The following KDM2A variants were observed in gnomAD, a reference collection of about 807,000 sequenced individuals.
KDM2A encodes lysine demethylase 2A.
A neutral mutation model predicts 137.3 loss-of-function variants in KDM2A; 3 were observed. The ratio of observed to expected loss-of-function variants is 0.02; its 90% confidence interval spans 0.01 to 0.06. The LOEUF (loss-of-function observed/expected upper bound fraction) is 0.06. Ranked by LOEUF, KDM2A falls within the 10% of genes least tolerant of loss-of-function variation. The probability of loss-of-function intolerance (pLI) is 1.00; values close to 1 mark genes in which losing one functional copy is unlikely to be tolerated. For synonymous variants in KDM2A, 512 were observed against 541.5 expected, an observed-to-expected ratio of 0.95 and a Z score of 0.76; for missense variants, 738 against 1,510.6, an observed-to-expected ratio of 0.49 and a Z score of 8.48.
chr11:67,228,247 A>C, intron 11 of KDM2A, 84 bp downstream of exon 11: 1 of 1,439,708 alleles, frequency 6.9e-7, no homozygotes, highest in East Asian at 2.3e-5. Context: ...CTGTCACTCA[A>C]TATGTTCTTG....
chr11:67,177,158 C>T (rs922605476), intron 2 of KDM2A, among the ~76,000 whole-genome samples: 3 of 151,776 alleles, frequency 2.0e-5, no homozygotes, highest in Admixed American at 6.6e-5. Context: ...CCCAGCTACT[C>T]GGGAGGCTGA....
At chr11:67,168,167 G>A (rs1271231534) in intron 2 of KDM2A, among the ~76,000 whole-genome samples, 1 of 152,090 alleles carries the variant, frequency 6.6e-6, no homozygotes, top group Admixed American at 6.5e-5. Flanking sequence ...AATCTAGTAA[G>A]TGAAGAGAAA....
intron 5 of KDM2A, among the ~76,000 whole-genome samples, chr11:67,183,991 C>T (rs1342472470): frequency 6.6e-6 from 1 of 151,338 alleles, no homozygotes. Flanking sequence ...CACCAATAGT[C>T]CCAGCTACGT....
chr11:67,221,429 C>G (rs1272652934), intron 10 of KDM2A, among the ~76,000 whole-genome samples: 1 of 152,104 alleles, frequency 6.6e-6, no homozygotes, highest in Non-Finnish European at 1.5e-5. Flanking sequence ...GAATTCACAA[C>G]TTTTATATGA....
chr11:67,143,589 A>C (rs1255584606), intron 2 of KDM2A, among the ~76,000 whole-genome samples: 1 of 151,938 alleles, frequency 6.6e-6, no homozygotes, highest in Non-Finnish European at 1.5e-5. Flanking sequence ...ATTATATTTT[A>C]GTTTCGCTTT....
intron 2 of KDM2A, among the ~76,000 whole-genome samples, chr11:67,141,682 A>AAAT (rs1555080599): frequency 9.2e-5 from 11 of 119,344 alleles, no homozygotes; most frequent in East Asian, 2.3e-4. Context: ...AAAAAAAAAA[A>AAAT]ATATATATAT....
At chr11:67,191,906 C>T (rs148167671) in intron 5 of KDM2A, among the ~76,000 whole-genome samples, 18 of 152,194 alleles carry the variant, frequency 1.2e-4, no homozygotes, top group African/African-American at 4.1e-4. Flanking sequence ...CCTCTGTTGG[C>T]AGATGATATG....
In KDM2A at chr11:67,254,881, T is replaced by G. The variant is rs1200532762; in HGVS notation, c.3315T>G (p.Asn1105Lys). The part of the protein sequence containing the change: ...SLTELNMAGC[N>K]KLTDQTLIYL... ...TGTCCACTTTCCCGACAGGTTGCAA[T>G]AAATTGACAGACCAGACCCTGATCT... is the stretch of plus-strand genomic sequence containing the variant. Residue 1105 changes from asparagine to lysine, a missense_variant, in exon 21 of 21, where the codon AAT becomes AAG. Asn to Lys is a moderately conservative substitution (Grantham distance 94, BLOSUM62 0). This residue lies in a region of KDM2A where 166 missense variants were observed against 324.0 expected (regional missense o/e 0.51). Transcript: ENST00000529006. The surrounding 1 kb of genome is among the most constrained non-coding windows in gnomAD (Gnocchi z 4.7). 1 of 1,613,878 alleles carries G rather than the reference T, an allele frequency of 6.2e-7. No homozygotes were observed. Among genetic ancestry groups the G allele is most frequent in the Admixed American group, 1.7e-5 (1 of 60,006 alleles).
intron 8 of KDM2A, 145 bp downstream of exon 8, chr11:67,216,094 C>T (rs1858150595): frequency 2.8e-6 from 2 of 714,474 alleles, no homozygotes; most frequent in South Asian, 1.6e-5. Flanking sequence ...AGATTAAGTT[C>T]ACCTTCTTGG....
rs1439528341 is a variant in KDM2A at position 67,211,443 on chromosome 11, G to A, written c.486+3755G>A. 4.6e-5 allele frequency among the ~76,000 whole-genome samples: 7 copies of A among 151,604 alleles called. No homozygotes were observed. The East Asian group carries it at 7.8e-4, about 17-fold the overall frequency. The stretch of plus-strand genomic sequence containing the variant: ...AGCCTGGCCAACATGGTGAAACCCC[G>A]CCTCTACTAAAAATACAAAAATTAG... On this transcript the variant is annotated intron_variant, in intron 6 of 20. Coordinates refer to ENST00000529006, the MANE Select transcript of KDM2A (RefSeq NM_012308.3).
rs759185120 is a variant in KDM2A at position 67,181,905 on chromosome 11, C to T, written c.307+13C>T. 3 of 1,612,732 alleles carry T rather than the reference C, an allele frequency of 1.9e-6. No homozygotes were observed. Among genetic ancestry groups the T allele is most frequent in the Non-Finnish European group, 2.5e-6 (3 of 1,178,858 alleles). On this transcript the variant is annotated intron_variant, in intron 5 of 20. Coordinates refer to ENST00000529006, the MANE Select transcript of KDM2A (RefSeq NM_012308.3). The stretch of plus-strand genomic sequence containing the variant: ...AAAATGTGTGTGGGTAAGTGTCGAG[C>T]TTTTGGCCTCTGTCTTTAAGGCAAA...
chr11:67,195,815 T>C (rs1332562910), intron 5 of KDM2A: 2 of 199,968 alleles, frequency 1.0e-5, no homozygotes, highest in African/African-American at 2.4e-5. Flanking sequence ...GAATTGTTAA[T>C]ATTGCCTGTG....
chr11:67,182,560 T>G (rs1292667282), intron 5 of KDM2A, among the ~76,000 whole-genome samples: 1 of 143,722 alleles, frequency 7.0e-6, no homozygotes, highest in Non-Finnish European at 1.5e-5. Flanking sequence ...TGAGACGCAG[T>G]CTCCCTCTGT....
intron 2 of KDM2A, among the ~76,000 whole-genome samples, chr11:67,168,204 C>CT (rs1169100358): frequency 1.3e-5 from 2 of 152,016 alleles, no homozygotes; most frequent in Non-Finnish European, 2.9e-5. Flanking sequence ...GAGATCACTG[C>CT]TATAGAGGAG....
At chr11:67,235,604 T>TTTTG (rs1858848316) in intron 12 of KDM2A, among the ~76,000 whole-genome samples, 1 of 138,672 alleles carries the variant, frequency 7.2e-6, no homozygotes, top group South Asian at 2.3e-4. Context: ...CCCGGCTGCT[T>TTTTG]TTTTGTTTTG....
At chr11:67,247,072 T>A (rs59095406) in intron 15 of KDM2A, among the ~76,000 whole-genome samples, 18 of 18,350 alleles carry the variant, frequency 9.8e-4, no homozygotes, top group African/African-American at 2.7e-3. Flanking sequence ...TATATATATA[T>A]TTTTTTTTTT....
chr11:67,191,589 T>C (rs959025297), intron 5 of KDM2A, among the ~76,000 whole-genome samples: 5 of 152,164 alleles, frequency 3.3e-5, no homozygotes, highest in Admixed American at 2.6e-4. Context: ...AGGAAAAAAG[T>C]TACATGATCA....
Position 67,254,192 on chromosome 11 carries a change from T to A in KDM2A, c.3092-11T>A. On this transcript the variant is annotated splice_polypyrimidine_tract_variant and intron_variant, in intron 19 of 20. Coordinates refer to ENST00000529006, the MANE Select transcript of KDM2A (RefSeq NM_012308.3). This position sits in a 1 kb window ranked among gnomAD's most constrained non-coding sequence, Gnocchi z 4.7. ...AGAGTTTTGATCTAGGCTCTTCTCTTGCCTGTACAGGTCAGGACAATCGCA... is the reference window on the plus strand; with the variant it reads ...AGAGTTTTGATCTAGGCTCTTCTCTAGCCTGTACAGGTCAGGACAATCGCA... The A allele has an allele frequency of 6.2e-7, 1 of 1,611,958 alleles. No individual in the cohort carries two copies. The highest frequency in any genetic ancestry group is 8.5e-7 in the Non-Finnish European group (1 of 1,178,488).
At chr11:67,175,221 G>T (rs932549798) in intron 2 of KDM2A, among the ~76,000 whole-genome samples, 14 of 152,154 alleles carry the variant, frequency 9.2e-5, no homozygotes, top group Non-Finnish European at 2.1e-4. Context: ...TTTGACTAGG[G>T]TTTACATTAA....
Sources: allele counts gnomAD v4.1 joint callset (sites outside exome capture counted in the v4.1 genomes callset), GRCh38; gene constraint gnomAD v4.1.1; regional missense constraint gnomAD v4.1.1; non-coding constraint Gnocchi (gnomAD v3.1); transcripts MANE v1.5; gene names NCBI Gene and HGNC (gene_info 2026-07-23, HGNC 2026-07-21).